INPP4B: variants seen among roughly 807,000 people sequenced by gnomAD.
The protein encoded by INPP4B is inositol polyphosphate 4-phosphatase type II.
A neutral mutation model predicts 122.5 loss-of-function variants in INPP4B; 55 were observed. That is an observed-to-expected ratio of 0.45 (90% CI 0.36 to 0.56). The LOEUF is 0.56. Among genes scored for constraint, INPP4B ranks in the 20% least tolerant of loss-of-function variants. The pLI is 0.00. For missense variants in INPP4B, 1,000 were observed against 1,097.7 expected (o/e 0.91, Z 1.26); for synonymous variants, 403 against 388.7 (o/e 1.04, Z -0.43).
chr4:142,445,528 G>A (rs540389798), intron 3 of INPP4B, among the ~76,000 whole-genome samples: 17 of 152,158 alleles, frequency 1.1e-4, no homozygotes, highest in African/African-American at 3.9e-4. Flanking sequence ...GATCTTAAAT[G>A]TGAATGTACC....
chr4:142,653,492 T>A (rs1753469176), intron 2 of INPP4B, among the ~76,000 whole-genome samples: 1 of 151,840 alleles, frequency 6.6e-6, no homozygotes, highest in East Asian at 1.9e-4. Context: ...ACGGCTAATA[T>A]CCAGAATCTA....
chr4:142,237,015 A>T lies in INPP4B; in HGVS notation c.836+849T>A, dbSNP rs1856952228. Among the ~76,000 whole-genome samples, 3 of 152,264 alleles carry T rather than the reference A, an allele frequency of 2.0e-5. No homozygotes were observed. In the South Asian group the frequency reaches 6.2e-4, roughly 32 times the overall value. ...TTTAATGCTATTACAGGTTTGTTTA[A>T]AAGGCAGAGAAACAAATTGATTAGT... On this transcript the variant is annotated intron_variant, in intron 12 of 25. Transcript: ENST00000262992.
intron 22 of INPP4B, among the ~76,000 whole-genome samples, chr4:142,109,499 G>A (rs765954579): frequency 1.3e-5 from 2 of 152,034 alleles, no homozygotes; most frequent in African/African-American, 4.8e-5. Flanking sequence ...TTTCCACAAA[G>A]GCTTCCAAAA....
chr4:142,647,229 A>C (rs1751969645), intron 2 of INPP4B, among the ~76,000 whole-genome samples: 1 of 152,196 alleles, frequency 6.6e-6, no homozygotes, highest in Non-Finnish European at 1.5e-5. Context: ...CATGAGAATC[A>C]GGGTCCAGGA....
intron 1 of INPP4B, among the ~76,000 whole-genome samples, chr4:142,839,099 T>C (rs1377178164): frequency 2.0e-5 from 3 of 152,214 alleles, no homozygotes. Flanking sequence ...AAACCTTGAC[T>C]CATGAAAAGC....
At chr4:142,514,260 C>T (rs1217529495) in intron 2 of INPP4B, 1 of 152,188 alleles carries the variant, frequency 6.6e-6, no homozygotes. Flanking sequence ...CTCATGTGGT[C>T]TTCCTCAGGT....
At chr4:142,774,731 T>A (rs141367278) in intron 1 of INPP4B, among the ~76,000 whole-genome samples, 1 of 152,208 alleles carries the variant, frequency 6.6e-6, no homozygotes, top group East Asian at 1.9e-4. Flanking sequence ...GTTCCCTATT[T>A]TGAAACTGTT....
chr4:142,217,300 G>C (rs866929112), intron 12 of INPP4B, among the ~76,000 whole-genome samples: 20 of 152,174 alleles, frequency 1.3e-4, no homozygotes, highest in Non-Finnish European at 5.9e-5. Context: ...AATGTGCTTT[G>C]AGTCTGTGAG....
At position 142,216,325 on chromosome 4, in the gene INPP4B, C is replaced by A. The variant is rs918184370; in HGVS notation, c.837-7299G>T. ...GATGCAAGAAGTTAGGGAGAAAAGA[C>A]TCAATAATAAAATATTAATAAGCTT... On this transcript the variant is annotated intron_variant, in intron 12 of 25. Transcript: ENST00000262992. Among the ~76,000 whole-genome samples, 4 of 152,178 alleles carry A rather than the reference C, an allele frequency of 2.6e-5. No individual in the cohort carries two copies. In the South Asian group the frequency reaches 8.3e-4, roughly 31 times the overall value.
Position 142,363,972 on chromosome 4 carries a change from G to A in INPP4B, c.372+38966C>T, listed in dbSNP as rs186498990. On this transcript the variant is annotated intron_variant, in intron 7 of 25. Coordinates refer to ENST00000262992, the MANE Select transcript of INPP4B (RefSeq NM_001101669.3). ...CTCCCATCCTTGGGCTTGTTCCATC[G>A]ATTTGGGAAACAGAATTTTGTGAGT... Among the ~76,000 whole-genome samples, 64 of 151,980 alleles carry A rather than the reference G, an allele frequency of 4.2e-4. No individual in the cohort carries two copies. The Middle Eastern group carries it at 0.017, about 40-fold the overall frequency.
intron 7 of INPP4B, among the ~76,000 whole-genome samples, chr4:142,354,052 T>G (rs1394091639): frequency 6.6e-6 from 1 of 151,958 alleles, no homozygotes; most frequent in African/African-American, 2.4e-5. Flanking sequence ...GAGCAAAACC[T>G]AAAACATCTA....
At chr4:142,612,446 C>A (rs542800692) in intron 2 of INPP4B, among the ~76,000 whole-genome samples, 1 of 152,222 alleles carries the variant, frequency 6.6e-6, no homozygotes, top group South Asian at 2.1e-4. Context: ...AACAAACATG[C>A]CATAGACTAA....
chr4:142,402,887 G>T, intron 7 of INPP4B, 51 bp downstream of exon 7: 1 of 925,416 alleles, frequency 1.1e-6, no homozygotes, highest in Non-Finnish European at 1.8e-6. Flanking sequence ...ATCCAATCGT[G>T]TGGAAAAGCA....
chr4:142,369,797 G>T (rs183855576), intron 7 of INPP4B, among the ~76,000 whole-genome samples: 23 of 151,376 alleles, frequency 1.5e-4, no homozygotes, highest in Admixed American at 1.4e-3. Flanking sequence ...CAGGTGTGGT[G>T]GTGGGTACCT....
chr4:142,623,395 T>C (rs1426621431), intron 2 of INPP4B, among the ~76,000 whole-genome samples: 2 of 151,886 alleles, frequency 1.3e-5, no homozygotes, highest in Non-Finnish European at 2.9e-5. Context: ...TGACTGGAGT[T>C]GACACACAAG....
intron 1 of INPP4B, among the ~76,000 whole-genome samples, chr4:142,797,450 C>CA (rs1777405005): frequency 6.6e-6 from 1 of 151,654 alleles, no homozygotes; most frequent in Admixed American, 6.6e-5. Flanking sequence ...GAACACAGAG[C>CA]AAAAAGGCGA....
chr4:142,096,072 C>A (rs1011346965), intron 23 of INPP4B: 1 of 152,146 alleles, frequency 6.6e-6, no homozygotes, highest in Non-Finnish European at 1.5e-5. Flanking sequence ...ATTGAAAACA[C>A]TAAATGACTC....
intron 12 of INPP4B, among the ~76,000 whole-genome samples, chr4:142,232,432 G>C (rs920689658): frequency 6.6e-6 from 1 of 152,032 alleles, no homozygotes; most frequent in African/African-American, 2.4e-5. Flanking sequence ...CCTGTGATCA[G>C]TGATCTTTGA....
chr4:142,389,056 C>A (rs1796840802), intron 7 of INPP4B, among the ~76,000 whole-genome samples: 1 of 152,044 alleles, frequency 6.6e-6, no homozygotes, highest in Non-Finnish European at 1.5e-5. Flanking sequence ...TCGAGACCAG[C>A]CTGGTCAACA....
Sources: allele counts gnomAD v4.1 joint callset (sites outside exome capture counted in the v4.1 genomes callset), GRCh38; gene constraint gnomAD v4.1.1; transcripts MANE v1.5; gene names NCBI Gene and HGNC (gene_info 2026-07-23, HGNC 2026-07-21).